DNAH9: variants seen among roughly 807,000 people sequenced by gnomAD.
The protein encoded by DNAH9 is DNAH9 variant protein.
Under a neutral mutation model 471.6 loss-of-function variants are expected in DNAH9, and 345 were observed. The ratio of observed to expected loss-of-function variants is 0.73; its 90% CI spans 0.67 to 0.80. The LOEUF (loss-of-function observed/expected upper bound fraction) is 0.80. Among genes scored for constraint, DNAH9 ranks in the 30% least tolerant of loss-of-function variants. The probability of loss-of-function intolerance (pLI) is 0.00; values close to 1 mark genes in which losing one functional copy is unlikely to be tolerated. For missense variants in DNAH9, 5,407 were observed against 5,609.2 expected (o/e 0.96, Z 1.15); for synonymous variants, 2,093 against 2,123.6 (o/e 0.99, Z 0.40).
chr17:11,760,236 A>G (rs963694660), intron 35 of DNAH9, among the ~76,000 whole-genome samples: 1 of 152,228 alleles, frequency 6.6e-6, no homozygotes, highest in Non-Finnish European at 1.5e-5. Context: ...TTTTGATAAA[A>G]TAATTTCTTT....
intron 43 of DNAH9, among the ~76,000 whole-genome samples, 170 bp from the exon 44 acceptor site, chr17:11,807,562 T>C (rs775967361): frequency 5.3e-5 from 8 of 152,122 alleles, no homozygotes; most frequent in African/African-American, 2.4e-5. Context: ...TTCAGTCAGC[T>C]CGGGCAAGAA....
chr17:11,866,293 G>C (rs1972052361), intron 50 of DNAH9, among the ~76,000 whole-genome samples: 1 of 152,190 alleles, frequency 6.6e-6, no homozygotes, highest in Non-Finnish European at 1.5e-5. Flanking sequence ...TCCAGACCCT[G>C]TTTGCCTGGG....
rs575487404 is a variant in DNAH9, at chr17:11,636,837, C to T, written c.1786+53C>T. On this transcript the variant is annotated intron_variant, in intron 9 of 68. Transcript: ENST00000262442. ...GGGACATTCTGTTACTGGAAAGAAGCAACTCATTCCTCTTGTATTTGTTAA... is the reference window on the plus strand; with the variant it reads ...GGGACATTCTGTTACTGGAAAGAAGTAACTCATTCCTCTTGTATTTGTTAA... 18 of 1,463,756 alleles carry T rather than the reference C, an allele frequency of 1.2e-5. No individual in the cohort carries two copies. The African/African-American group carries it at 2.2e-4, about 18-fold the overall frequency. The allele number at this position is 1,463,756 out of a possible 1,614,324, so 90.7% of individuals were successfully genotyped here.
intron 8 of DNAH9, among the ~76,000 whole-genome samples, chr17:11,636,293 C>T (rs972564138): frequency 3.3e-5 from 5 of 152,170 alleles, no homozygotes; most frequent in African/African-American, 4.8e-5. Flanking sequence ...CATGAGCCAC[C>T]GCGCCTGGCC....
intron 61 of DNAH9, among the ~76,000 whole-genome samples, chr17:11,911,033 T>A (rs1454403960): frequency 6.6e-6 from 1 of 152,188 alleles, no homozygotes; most frequent in Admixed American, 6.5e-5. Flanking sequence ...AAGCAGAAAA[T>A]TTTTATGTTA....
At chr17:11,735,894 T>C (rs2075339277) in intron 28 of DNAH9, among the ~76,000 whole-genome samples, 1 of 152,224 alleles carries the variant, frequency 6.6e-6, no homozygotes, top group African/African-American at 2.4e-5. Context: ...TACAAGAGCC[T>C]TTGGGGGAAG....
chr17:11,734,508 A>G lies in DNAH9; in HGVS notation c.5815-4372A>G, dbSNP rs186957702. The stretch of plus-strand genomic sequence containing the variant: ...AAAAATGAGGAAAACACCGCTGAGG[A>G]CTGTAGAGTTTGGGTTCACATCAAG... On this transcript the variant is annotated intron_variant, in intron 28 of 68. Transcript: ENST00000262442. Among the ~76,000 whole-genome samples, 17 of 152,308 alleles carry G rather than the reference A, an allele frequency of 1.1e-4. No individual in the cohort carries two copies. The East Asian group carries it at 3.3e-3, about 29-fold the overall frequency.
At chr17:11,629,388 T>C in intron 6 of DNAH9, 29 bp from the exon 7 acceptor site, 1 of 1,601,032 alleles carries the variant, frequency 6.2e-7, no homozygotes, top group South Asian at 1.1e-5. Flanking sequence ...TGAGAATGAT[T>C]TTAACTTTTT....
At position 11,719,398 on chromosome 17, in the gene DNAH9, G is replaced by A. The variant is rs1337275464; in HGVS notation, c.5617G>A (p.Gly1873Ser). 1.2e-6 allele frequency: 2 copies of A among 1,613,944 alleles called. No homozygotes were observed. The highest frequency in any genetic ancestry group is 2.7e-5 in the African/African-American group (2 of 74,904). The change falls in exon 27 of 69, where the codon GGC becomes AGC. Residue 1873 changes from glycine (G) to serine (S), a missense_variant. Transcript: ENST00000262442. The part of the protein sequence containing the change: ...TMSGAPAGPA[G>S]TGKTETTKDL... ...GAGTGGGGCTCCCGCAGGACCTGCAGGCACAGGCAAGACCGAGACCACCAA... is the reference window on the plus strand; with the variant it reads ...GAGTGGGGCTCCCGCAGGACCTGCAAGCACAGGCAAGACCGAGACCACCAA...
At chr17:11,697,671 A>G (rs1305044028) in intron 22 of DNAH9, among the ~76,000 whole-genome samples, 1 of 152,126 alleles carries the variant, frequency 6.6e-6, no homozygotes, top group Non-Finnish European at 1.5e-5. Flanking sequence ...GTAAGCTGAG[A>G]TTCCACTTTA....
rs150864131 is a variant in DNAH9, at chr17:11,640,313, C to T, written c.1830C>T (p.Gly610=). Residue 610 remains glycine (G), a synonymous_variant, in exon 10 of 69, where the codon GGC becomes GGT. Transcript: ENST00000262442. The part of the protein sequence containing the change: ...VHKNMPTVAG[G]LRWAQELRQR... ...AGAACATGCCCACCGTGGCTGGCGGCCTCCGCTGGGCACAGGAGCTGAGGC... is the reference window on the plus strand; with the variant it reads ...AGAACATGCCCACCGTGGCTGGCGGTCTCCGCTGGGCACAGGAGCTGAGGC... The T allele has an allele frequency of 3.2e-5, 52 of 1,613,834 alleles. No homozygotes were observed. The highest frequency in any genetic ancestry group is 4.2e-5 in the Non-Finnish European group (50 of 1,179,912).
At chr17:11,960,434 T>G (rs1976000964) in intron 67 of DNAH9, among the ~76,000 whole-genome samples, 1 of 56,196 alleles carries the variant, frequency 1.8e-5, no homozygotes, top group Non-Finnish European at 3.2e-5. Flanking sequence ...AGACTCTGTC[T>G]TAAAAAAAAA....
At chr17:11,727,682 A>G in intron 27 of DNAH9, 136 bp from the exon 28 acceptor site, 1 of 629,066 alleles carries the variant, frequency 1.6e-6, no homozygotes, top group Non-Finnish European at 2.9e-6. Flanking sequence ...TGTTCTTGAA[A>G]TTTTAATACA....
intron 66 of DNAH9, among the ~76,000 whole-genome samples, chr17:11,939,736 T>C (rs1366878254): frequency 6.6e-6 from 1 of 152,130 alleles, no homozygotes; most frequent in East Asian, 1.9e-4. Context: ...TACATCTATA[T>C]GAAGGGAAGC....
chr17:11,823,166 C>T (rs1970372189), intron 48 of DNAH9, 132 bp downstream of exon 48: 2 of 753,788 alleles, frequency 2.7e-6, no homozygotes, highest in Admixed American at 5.8e-5. Context: ...CCCATGTCAT[C>T]AGTATCTATT....
Position 11,883,766 on chromosome 17 carries a change from C to A in DNAH9, c.10971+16C>A. 1 of 1,611,518 alleles carries A rather than the reference C, an allele frequency of 6.2e-7. No homozygotes were observed. Among genetic ancestry groups the A allele is most frequent in the East Asian group, 2.2e-5 (1 of 44,864 alleles). On this transcript the variant is annotated intron_variant, in intron 56 of 68. Transcript: ENST00000262442. ...TGAGAAAAAGGTAAAACTCCTCTGGCTAGTCTGGGAAGGCAGCCTAGGCTG... is the reference window on the plus strand; with the variant it reads ...TGAGAAAAAGGTAAAACTCCTCTGGATAGTCTGGGAAGGCAGCCTAGGCTG...
chr17:11,924,616 C>CTTTTTTTTTTT (rs756191140), intron 62 of DNAH9, among the ~76,000 whole-genome samples: 4 of 91,954 alleles, frequency 4.4e-5, no homozygotes, highest in African/African-American at 9.0e-5. Context: ...ACTACTAACT[C>CTTTTTTTTTTT]TTTTTTTTTT....
chr17:11,889,906 C>T (rs960848468), intron 57 of DNAH9, among the ~76,000 whole-genome samples: 1 of 152,114 alleles, frequency 6.6e-6, no homozygotes, highest in Non-Finnish European at 1.5e-5. Flanking sequence ...CTGGAGGATG[C>T]TGTGGAAGTG....
chr17:11,684,828 G>A (rs1283192357), intron 19 of DNAH9, among the ~76,000 whole-genome samples: 1 of 152,152 alleles, frequency 6.6e-6, no homozygotes, highest in African/African-American at 2.4e-5. Flanking sequence ...GGAAAGAAGG[G>A]CTTTTGACCT....
Sources: gnomAD v4.1 joint callset for allele counts (sites outside exome capture counted in the v4.1 genomes callset) on GRCh38, gnomAD v4.1.1 for gene constraint, MANE v1.5 for transcripts, NCBI Gene and HGNC (gene_info 2026-07-23, HGNC 2026-07-21) for gene names.